Variants in CSMD1 observed in about 807,000 individuals in gnomAD.
CSMD1 encodes CUB and sushi domain-containing protein 1.
Under a neutral mutation model 417.5 loss-of-function variants are expected in CSMD1, and 213 were observed. The ratio of observed to expected loss-of-function variants is 0.51; its 90% CI spans 0.46 to 0.57. The LOEUF (loss-of-function observed/expected upper bound fraction) is 0.57, where lower values mean the gene tolerates loss of function less well. CSMD1 is among the 20% of genes least tolerant of loss of function. CSMD1 has a pLI of 0.00. For missense variants in CSMD1, 6,923 were observed against 4,529.7 expected, an observed-to-expected ratio of 1.53 and a Z score of -15.17; for synonymous variants, 2,862 against 1,736.8, an observed-to-expected ratio of 1.65 and a Z score of -16.11.
chr8:3,794,307 A>G, intron 5 of CSMD1, among the ~76,000 whole-genome samples: 1 of 152,144 alleles, frequency 6.6e-6, no homozygotes, highest in East Asian at 1.9e-4. Context: ...TTCAAACTGA[A>G]AACTCTGCGC....
chr8:3,727,056 T>C (rs909680812), intron 6 of CSMD1, among the ~76,000 whole-genome samples: 1 of 152,218 alleles, frequency 6.6e-6, no homozygotes, highest in Non-Finnish European at 1.5e-5. Context: ...GCTATCCTTT[T>C]TTCTCTCTAT....
chr8:3,926,810 G>A (rs185511402), intron 5 of CSMD1, among the ~76,000 whole-genome samples: 65 of 145,770 alleles, frequency 4.5e-4, no homozygotes, highest in Admixed American at 3.6e-4. Flanking sequence ...CTGCCTCCCG[G>A]GTTCAAGCAA....
At chr8:3,516,326 T>G (rs1054614143) in intron 10 of CSMD1, among the ~76,000 whole-genome samples, 29 of 152,208 alleles carry the variant, frequency 1.9e-4, no homozygotes, top group African/African-American at 6.5e-4. Context: ...AAGGTCAACA[T>G]AGCAGATGAA....
Position 4,409,962 on chromosome 8 carries a change from C to T in CSMD1, c.415+9991G>A, listed in dbSNP as rs190409277. ...CCAAGTAGCTGGGATTACAGGCACC[C>T]GCCACTACGCCCAGCAAATTTTTGT... is the stretch of plus-strand genomic sequence containing the variant. On this transcript the variant is annotated intron_variant, in intron 3 of 69. Transcript: ENST00000635120. Among the ~76,000 whole-genome samples the T allele has an allele frequency of 7.6e-3, 1,155 of 152,038 alleles. 31 individuals are homozygous for T. In the East Asian group the frequency reaches 0.085, roughly 11 times the overall value.
At chr8:3,984,745 ATATATATT>A (rs1289000136) in intron 5 of CSMD1, among the ~76,000 whole-genome samples, 4,661 of 78,258 alleles carry the variant, frequency 0.06, 309 homozygotes, top group Middle Eastern at 0.092. Context: ...ATATATATAT[ATATATATT>A]TGTATGTATT....
chr8:3,399,609 A>ATCTGCT, intron 15 of CSMD1, 80 bp from the exon 16 acceptor site: 1 of 1,099,680 alleles, frequency 9.1e-7, no homozygotes, highest in South Asian at 2.0e-5. Context: ...AAAAGCCAGA[A>ATCTGCT]TCTGCTTCTG....
chr8:3,403,058 A>G (rs946414181), intron 15 of CSMD1, among the ~76,000 whole-genome samples: 2 of 152,162 alleles, frequency 1.3e-5, no homozygotes, highest in Admixed American at 1.3e-4. Flanking sequence ...TTATGGATAG[A>G]CATTTGCTTG....
chr8:4,233,439 G>C (rs1382081696), intron 3 of CSMD1, among the ~76,000 whole-genome samples: 2 of 152,270 alleles, frequency 1.3e-5, no homozygotes, highest in African/African-American at 4.8e-5. Context: ...CGAATGTGAT[G>C]GTATTTGGAG....
In CSMD1 at chr8:4,069,489, T is replaced by C. The variant is rs527986100; in HGVS notation, c.416-37390A>G. Among the ~76,000 whole-genome samples the C allele has an allele frequency of 2.0e-5, 3 of 152,294 alleles. No individual in the cohort carries two copies. The South Asian group carries it at 6.2e-4, about 32-fold the overall frequency. On this transcript the variant is annotated intron_variant, in intron 3 of 69. Transcript: ENST00000635120. The stretch of plus-strand genomic sequence containing the variant: ...AGGATATTATCTCTAGGTAAGTAAA[T>C]GTGCAGACAGCCTGACATTTGCTAA...
chr8:4,777,600 A>G (rs2117174740), intron 1 of CSMD1, among the ~76,000 whole-genome samples: 1 of 152,350 alleles, frequency 6.6e-6, no homozygotes, highest in Non-Finnish European at 1.5e-5. Flanking sequence ...GTAAGAATGT[A>G]CATACCCTTT....
intron 3 of CSMD1, among the ~76,000 whole-genome samples, chr8:4,195,627 G>C (rs547615153): frequency 1.3e-5 from 2 of 152,260 alleles, no homozygotes; most frequent in African/African-American, 2.4e-5. Flanking sequence ...GCTGCATCTT[G>C]CCTGGATGGA....
At chr8:4,722,416 G>A (rs185620404) in intron 1 of CSMD1, among the ~76,000 whole-genome samples, 15 of 152,118 alleles carry the variant, frequency 9.9e-5, no homozygotes, top group African/African-American at 3.4e-4. Flanking sequence ...TCTTGACCGA[G>A]TGAAAAGTGA....
At position 4,937,662 on chromosome 8, in the gene CSMD1, A is replaced by G. The variant is rs1014406668; in HGVS notation, c.85+56670T>C. Among the ~76,000 whole-genome samples, 7 of 152,266 alleles carry G rather than the reference A, an allele frequency of 4.6e-5. 1 individual carries two copies. The South Asian group carries it at 1.5e-3, about 32-fold the overall frequency. On this transcript the variant is annotated intron_variant, in intron 1 of 69. Transcript: ENST00000635120. ...CAAATAAAAGCACATGAATTATTTC[A>G]CCTCATTTAAAATAGAGCAGTGGTT...
intron 3 of CSMD1, among the ~76,000 whole-genome samples, chr8:4,336,730 A>G (rs965255931): frequency 3.9e-5 from 6 of 152,074 alleles, no homozygotes; most frequent in Non-Finnish European, 7.4e-5. Context: ...GGATCCAATT[A>G]CTCTGAGTTA....
chr8:3,667,085 G>C (rs977146276), intron 7 of CSMD1, among the ~76,000 whole-genome samples: 1 of 152,056 alleles, frequency 6.6e-6, no homozygotes, highest in Non-Finnish European at 1.5e-5. Flanking sequence ...TTGAGTGCTT[G>C]GTACAAGCAA....
At chr8:3,649,792 G>A (rs568662533) in intron 7 of CSMD1, among the ~76,000 whole-genome samples, 6 of 152,156 alleles carry the variant, frequency 3.9e-5, no homozygotes, top group Non-Finnish European at 8.8e-5. Flanking sequence ...ATACTAAATT[G>A]TGGTCTTATT....
chr8:3,744,337 G>C (rs963733611), intron 6 of CSMD1, among the ~76,000 whole-genome samples: 5 of 152,106 alleles, frequency 3.3e-5, no homozygotes, highest in African/African-American at 9.7e-5. Context: ...GTGATACCCT[G>C]TGGGCTTCCA....
chr8:3,511,852 A>G (rs1358984606), intron 10 of CSMD1, among the ~76,000 whole-genome samples: 1 of 151,896 alleles, frequency 6.6e-6, no homozygotes, highest in African/African-American at 2.4e-5. Flanking sequence ...AAATATAATA[A>G]ATGTAATATG....
In CSMD1 at chr8:4,460,098, G is replaced by A. The variant is rs754148177; in HGVS notation, c.303-40033C>T. On this transcript the variant is annotated intron_variant, in intron 2 of 69. Transcript: ENST00000635120. The stretch of plus-strand genomic sequence containing the variant: ...GGCGTATGAAACATTCTCCACAACA[G>A]AGCATATGCCATGCCACAGAACTAC... Among the ~76,000 whole-genome samples the A allele has an allele frequency of 6.6e-5, 10 of 152,188 alleles. No individual in the cohort carries two copies. In the South Asian group the frequency reaches 1.0e-3, roughly 16 times the overall value.
Sources: gnomAD v4.1 joint callset for allele counts (sites outside exome capture counted in the v4.1 genomes callset) on GRCh38, gnomAD v4.1.1 for gene constraint, MANE v1.5 for transcripts, NCBI Gene and HGNC (gene_info 2026-07-23, HGNC 2026-07-21) for gene names.